Variants in OTOP1 observed in about 807,000 individuals in gnomAD.
The protein encoded by OTOP1 is proton channel OTOP1.
A neutral mutation model predicts 52.9 loss-of-function variants in OTOP1; 59 were observed. That is an observed-to-expected ratio of 1.12 (90% CI 0.91 to 1.39). OTOP1 has a LOEUF of 1.39. Ranked by LOEUF, OTOP1 falls within the 40% of genes most tolerant of loss-of-function variation. The probability of loss-of-function intolerance (pLI) is 0.00; values close to 1 mark genes in which losing one functional copy is unlikely to be tolerated. For synonymous variants in OTOP1, 317 were observed against 337.7 expected, an observed-to-expected ratio of 0.94 and a Z score of 0.67; for missense variants, 761 against 800.9, an observed-to-expected ratio of 0.95 and a Z score of 0.60.
chr4:4,221,139 G>C (rs1370230550), intron 1 of OTOP1, among the ~76,000 whole-genome samples: 4 of 150,350 alleles, frequency 2.7e-5, no homozygotes, highest in Non-Finnish European at 5.9e-5. Context: ...GAGTGCAGTG[G>C]CATGATCTTG....
intron 4 of OTOP1, among the ~76,000 whole-genome samples, chr4:4,200,665 T>A (rs1266987610): frequency 1.3e-5 from 2 of 150,466 alleles, no homozygotes; most frequent in Admixed American, 6.6e-5. Context: ...GTGATCCACC[T>A]GCGTCAGTCT....
At chr4:4,221,226 C>T (rs1717295339) in intron 1 of OTOP1, among the ~76,000 whole-genome samples, 1 of 151,682 alleles carries the variant, frequency 6.6e-6, no homozygotes, top group African/African-American at 2.4e-5. Flanking sequence ...ATTACAGGCA[C>T]TCCACATAGC....
At chr4:4,191,967 A>T (rs1374888455) in intron 5 of OTOP1, among the ~76,000 whole-genome samples, 1 of 151,980 alleles carries the variant, frequency 6.6e-6, no homozygotes, top group Non-Finnish European at 1.5e-5. Flanking sequence ...GGAAAATGGG[A>T]CCTCTTTTCT....
chr4:4,198,236 T>G (rs1226457067), intron 4 of OTOP1, 133 bp from the exon 5 acceptor site: 1 of 700,560 alleles, frequency 1.4e-6, no homozygotes, highest in Non-Finnish European at 2.4e-6. Context: ...TATCATGTCA[T>G]AGCTTATTAT....
At chr4:4,193,118 T>A (rs1716549187) in intron 5 of OTOP1, among the ~76,000 whole-genome samples, 1 of 152,112 alleles carries the variant, frequency 6.6e-6, no homozygotes, top group Non-Finnish European at 1.5e-5. Context: ...TTCCATGGTT[T>A]TCTCTTGCGT....
At chr4:4,220,009 A>ACATATACG (rs1717256020) in intron 1 of OTOP1, among the ~76,000 whole-genome samples, 4 of 49,756 alleles carry the variant, frequency 8.0e-5, no homozygotes, top group Non-Finnish European at 1.5e-4. Context: ...ATACATATAT[A>ACATATACG]TGTATATACA....
At chr4:4,205,078 G>T (rs780532390) in intron 3 of OTOP1, among the ~76,000 whole-genome samples, 1 of 152,020 alleles carries the variant, frequency 6.6e-6, no homozygotes, top group East Asian at 1.9e-4. Flanking sequence ...AGTCCTACAT[G>T]GTGCTTTCTT....
chr4:4,220,441 A>C (rs1033858823), intron 1 of OTOP1, among the ~76,000 whole-genome samples: 1 of 152,218 alleles, frequency 6.6e-6, no homozygotes, highest in Non-Finnish European at 1.5e-5. Context: ...TCTAAAAGAC[A>C]GTAGAACATA....
intron 4 of OTOP1, among the ~76,000 whole-genome samples, chr4:4,199,125 G>T (rs192678157): frequency 2.0e-5 from 3 of 151,958 alleles, no homozygotes; most frequent in Non-Finnish European, 4.4e-5. Flanking sequence ...GGAGGCAGAG[G>T]TTGCAGTGAG....
In OTOP1 at chr4:4,197,981, G is replaced by A. The variant is rs748977065; in HGVS notation, c.853C>T (p.Leu285Phe). 19 of 1,614,020 alleles carry A rather than the reference G, an allele frequency of 1.2e-5. No individual in the cohort carries two copies. The highest frequency in any genetic ancestry group is 2.7e-5 in the African/African-American group (2 of 74,898). The part of the protein sequence containing the change: ...IEYQILASTM[L>F]YVLWKNIGRK... ...CCGATGTTCTTCCACAGGACGTAGA[G>A]CATTGTGGAGGCCAGGATCTGATAC... The change falls in exon 5 of 6, where the codon CTC (leucine) becomes TTC (phenylalanine). Residue 285 changes from leucine (L) to phenylalanine (F), a missense_variant. Coordinates refer to ENST00000296358, the MANE Select transcript of OTOP1 (RefSeq NM_177998.3).
chr4:4,211,978 A>C (rs1717035438), intron 2 of OTOP1, among the ~76,000 whole-genome samples: 1 of 152,156 alleles, frequency 6.6e-6, no homozygotes, highest in African/African-American at 2.4e-5. Flanking sequence ...TAGGTGCCTT[A>C]CCATACCCAA....
In OTOP1 at chr4:4,198,035, T is replaced by G. The variant is rs1341519721; in HGVS notation, c.799A>C (p.Ile267Leu). 1 of 1,614,054 alleles carries G rather than the reference T, an allele frequency of 6.2e-7. No homozygotes were observed. Among genetic ancestry groups the G allele is most frequent in the Admixed American group, 1.7e-5 (1 of 60,008 alleles). ...PTLCTAISHG[I>L]YYLYPFNIEY... Reference sequence around the variant, plus strand: ...ATGTTGAAGGGGTAGAGGTAGTAGATCCCGTGGGAGATGGCAGTGCACAGA... The same window carrying G: ...ATGTTGAAGGGGTAGAGGTAGTAGAGCCCGTGGGAGATGGCAGTGCACAGA... Residue 267 changes from isoleucine to leucine, a missense_variant, in exon 5 of 6, where the codon ATC becomes CTC. This residue lies in a region of OTOP1 where 632 missense variants were observed against 619.5 expected (regional missense o/e 1.02). Coordinates refer to ENST00000296358, the MANE Select transcript of OTOP1 (RefSeq NM_177998.3).
rs537569170 is a variant in OTOP1 at position 4,197,954 on chromosome 4, G to C, written c.880C>G (p.Arg294Gly). Residue 294 changes from arginine (R) to glycine (G), a missense_variant, in exon 5 of 6, where the codon CGC (arginine) becomes GGC (glycine). By Grantham distance (125) the Arg-to-Gly change is moderately radical. Transcript: ENST00000296358. ...MLYVLWKNIGRKVDSHQHQKM... is the reference protein window; with the variant it reads ...MLYVLWKNIGGKVDSHQHQKM... ...TGGTGCTGATGGCTGTCAACTTTGC[G>C]CCCGATGTTCTTCCACAGGACGTAG... The C allele has an allele frequency of 4.3e-6, 7 of 1,614,048 alleles. No individual in the cohort carries two copies. Among genetic ancestry groups the C allele is most frequent in the Non-Finnish European group, 5.9e-6 (7 of 1,180,004 alleles).
intron 2 of OTOP1, among the ~76,000 whole-genome samples, chr4:4,211,448 T>C (rs539594898): frequency 1.3e-5 from 2 of 152,044 alleles, no homozygotes; most frequent in East Asian, 3.9e-4. Context: ...ACTTCTTCGT[T>C]AGAAAAAAAT....
At chr4:4,203,191 T>G (rs946429039) in intron 3 of OTOP1, among the ~76,000 whole-genome samples, 4 of 152,238 alleles carry the variant, frequency 2.6e-5, no homozygotes, top group Non-Finnish European at 5.9e-5. Context: ...GAAACAAGAA[T>G]AAGAAAAGTC....
rs187403528 is a variant in OTOP1 at position 4,220,612 on chromosome 4, A to G, written c.403+5850T>C. ...CTGAGGAGATTGAGTGAGTCATTACATGGAAGTCACCTAGAACAGTGTTCC... is the reference window on the plus strand; with the variant it reads ...CTGAGGAGATTGAGTGAGTCATTACGTGGAAGTCACCTAGAACAGTGTTCC... On this transcript the variant is annotated intron_variant, in intron 1 of 5. Coordinates refer to ENST00000296358, the MANE Select transcript of OTOP1 (RefSeq NM_177998.3). Among the ~76,000 whole-genome samples the G allele has an allele frequency of 9.1e-3, 1,392 of 152,376 alleles. 12 individuals are homozygous for G. Among genetic ancestry groups the G allele is most frequent in the Non-Finnish European group, 0.015 (1,007 of 68,040 alleles).
At chr4:4,216,094 C>G in intron 1 of OTOP1, among the ~76,000 whole-genome samples, 1 of 151,796 alleles carries the variant, frequency 6.6e-6, no homozygotes, top group East Asian at 1.9e-4. Context: ...TCACTGAGCC[C>G]GGCTGAAAGT....
intron 2 of OTOP1, among the ~76,000 whole-genome samples, chr4:4,208,023 C>T (rs528685484): frequency 8.5e-5 from 13 of 152,250 alleles, no homozygotes; most frequent in East Asian, 1.9e-4. Flanking sequence ...CTTATGCATC[C>T]GTCTAGCTCA....
chr4:4,198,117 G>A lies in OTOP1; in HGVS notation c.731-14C>T. 6.3e-6 allele frequency: 10 copies of A among 1,598,158 alleles called. No individual in the cohort carries two copies. Among genetic ancestry groups the A allele is most frequent in the Non-Finnish European group, 8.6e-6 (10 of 1,165,928 alleles). On this transcript the variant is annotated splice_polypyrimidine_tract_variant and intron_variant, in intron 4 of 5. Coordinates refer to ENST00000296358, the MANE Select transcript of OTOP1 (RefSeq NM_177998.3). The stretch of plus-strand genomic sequence containing the variant: ...GGTCATCTAAAACTAGGGGAGACAG[G>A]TAGATCACACAGGAGGGCGATTAGC...
Sources: gnomAD v4.1 joint callset for allele counts (sites outside exome capture counted in the v4.1 genomes callset) on GRCh38, gnomAD v4.1.1 for gene constraint, gnomAD v4.1.1 regional missense constraint, MANE v1.5 for transcripts, NCBI Gene and HGNC (gene_info 2026-07-23, HGNC 2026-07-21) for gene names.